NT5DC4: variants seen among roughly 807,000 people sequenced by gnomAD.
NT5DC4 encodes 5'-nucleotidase domain containing 4, also known as 5'-nucleotidase domain-containing protein 4.
A neutral mutation model predicts 26.6 loss-of-function variants in NT5DC4; 44 were observed. The observed-to-expected ratio is 1.65, with a 90% confidence interval of 1.30 to 2.13. NT5DC4 has a LOEUF of 2.13. Ranked by LOEUF, NT5DC4 falls within the 30% of genes most tolerant of loss-of-function variation. The probability of loss-of-function intolerance (pLI) is 0.00; values close to 1 mark genes in which losing one functional copy is unlikely to be tolerated. For missense variants in NT5DC4, 399 were observed against 228.1 expected (o/e 1.75, Z -4.83); for synonymous variants, 157 against 86.7 (o/e 1.81, Z -4.51).
intron 16 of NT5DC4, among the ~76,000 whole-genome samples, chr2:112,731,996 C>A (rs1678547588): frequency 6.7e-6 from 1 of 148,750 alleles, no homozygotes; most frequent in African/African-American, 2.5e-5. Context: ...GATCTCGGCT[C>A]CACCTCCTGG....
chr2:112,719,967 TTTCTTTC>T (rs1558715419), upstream of NT5DC4, among the ~76,000 whole-genome samples: 3,054 of 131,100 alleles, frequency 0.023, 75 homozygotes, highest in Non-Finnish European at 0.035. Flanking sequence ...TCTTTCTTTC[TTTCTTTC>T]TTTCTTTCTT....
At chr2:112,734,169 A>ATATGTGTGTGTGTGTGTGTGTGTGTGTG (rs150412692) in intron 16 of NT5DC4, among the ~76,000 whole-genome samples, 11 of 134,786 alleles carry the variant, frequency 8.2e-5, no homozygotes, top group African/African-American at 2.8e-4. Context: ...TATTATATAT[A>ATATGTGTGTGTGTGTGTGTGTGTGTGTG]TGTGTGTGTG....
chr2:112,737,331 C>G (rs1679346882), intron 16 of NT5DC4: 1 of 152,188 alleles, frequency 6.6e-6, no homozygotes, highest in South Asian at 2.1e-4. Context: ...CTGCCCCAGT[C>G]TACACGCCCA....
At chr2:112,724,226 C>T (rs1677371238) in intron 10 of NT5DC4, 100 bp downstream of exon 10, 9 of 708,120 alleles carry the variant, frequency 1.3e-5, no homozygotes, top group South Asian at 1.2e-4. Context: ...CACGTCCAGC[C>T]TCCCTTTGAG....
At position 112,724,871 on chromosome 2, in the gene NT5DC4, C is replaced by T. The variant is rs776458795; in HGVS notation, c.880C>T (p.Leu294=). The T allele has an allele frequency of 1.4e-6, 1 of 717,192 alleles. No homozygotes were observed. The highest frequency in any genetic ancestry group is 2.6e-6 in the Non-Finnish European group (1 of 385,024). 44.4% of individuals were successfully genotyped at this position (717,192 alleles called of 1,614,324 possible). ...CCACTTCTTTGCAGAGGGGTTGGTC[C>T]TGAGGCAGGTCAACACGGTAATGGC... The part of the protein sequence containing the change: ...KPHFFAEGLV[L]RQVNTVMAGA... The change falls in exon 11 of 17, where the codon CTG becomes TTG. Residue 294 remains leucine, a synonymous_variant. Transcript: ENST00000688554.
chr2:112,724,697 G>A (rs917359029), intron 10 of NT5DC4, 84 bp from the exon 11 acceptor site: 2 of 687,242 alleles, frequency 2.9e-6, no homozygotes, highest in East Asian at 5.4e-5. Context: ...TTGGTGGGGA[G>A]AGGCAGGCTG....
Position 112,724,794 on chromosome 2 carries a change from G to A in NT5DC4, c.803G>A (p.Gly268Asp), listed in dbSNP as rs919504745. 3 of 716,972 alleles carry A rather than the reference G, an allele frequency of 4.2e-6. No individual in the cohort carries two copies. The African/African-American group carries it at 5.2e-5, about 13-fold the overall frequency. 44.4% of individuals were successfully genotyped at this position (716,972 alleles called of 1,614,324 possible). Residue 268 changes from glycine to aspartate, a missense_variant, in exon 11 of 17, where the codon GGC becomes GAC. Physicochemically the swap from Gly to Asp is moderately conservative, Grantham distance 94 (BLOSUM62 -1). Coordinates refer to ENST00000688554, the MANE Select transcript of NT5DC4 (RefSeq NM_001393655.1). Reference protein sequence around the residue: ...LFSISEAEASGRPWRSYFDLI... With the variant: ...LFSISEAEASDRPWRSYFDLI... ...CACCCCCAACAGGCTGAAGCCTCGG[G>A]CAGGCCCTGGAGGTCCTACTTTGAC... is the stretch of plus-strand genomic sequence containing the variant.
At chr2:112,730,622 C>T (rs1026539126) in intron 16 of NT5DC4, among the ~76,000 whole-genome samples, 2 of 152,164 alleles carry the variant, frequency 1.3e-5, no homozygotes, top group Admixed American at 1.3e-4. Flanking sequence ...TTCTGCACCC[C>T]CAAAACCCTG....
At chr2:112,726,583 T>TC (rs1476880130) in intron 14 of NT5DC4, 95 bp from the exon 15 acceptor site, 1 of 710,430 alleles carries the variant, frequency 1.4e-6, no homozygotes, top group South Asian at 1.5e-5. Flanking sequence ...CCGCACGGTG[T>TC]CCCCCCACCC....
chr2:112,741,975 A>C (rs1301008800), downstream of NT5DC4, among the ~76,000 whole-genome samples: 1 of 142,710 alleles, frequency 7.0e-6, no homozygotes, highest in Non-Finnish European at 1.5e-5. Context: ...TTTAAAGACA[A>C]GACAGGGTTT....
At chr2:112,721,461 G>A in intron 1 of NT5DC4, 3 of 717,704 alleles carry the variant, frequency 4.2e-6, no homozygotes, top group Non-Finnish European at 7.8e-6. Flanking sequence ...TTGGACACTG[G>A]GGTCCCATTT....
chr2:112,738,965 C>T lies in NT5DC4; in HGVS notation c.*29C>T, dbSNP rs777415523. On this transcript the variant is annotated 3_prime_UTR_variant, in exon 17 of 17. Coordinates refer to ENST00000688554, the MANE Select transcript of NT5DC4 (RefSeq NM_001393655.1). The stretch of plus-strand genomic sequence containing the variant: ...GTGTTCCTGCAGCATTTCTGGGTAG[C>T]GGGACACTGCTCGCTCAATCCTCGA... 2.3e-5 allele frequency: 37 copies of T among 1,613,996 alleles called. No individual in the cohort carries two copies. Among genetic ancestry groups the T allele is most frequent in the South Asian group, 4.4e-5 (4 of 91,078 alleles).
upstream of NT5DC4, among the ~76,000 whole-genome samples, chr2:112,719,366 T>C (rs947548568): frequency 1.3e-5 from 2 of 152,260 alleles, no homozygotes; most frequent in Non-Finnish European, 2.9e-5. Flanking sequence ...TCCATGGATA[T>C]GTTTTTCTGT....
chr2:112,719,942 C>CTTTCTTTT (rs1223564207), upstream of NT5DC4, among the ~76,000 whole-genome samples: 1 of 96,426 alleles, frequency 1.0e-5, no homozygotes, highest in African/African-American at 4.7e-5. Context: ...TTCTTTCTTT[C>CTTTCTTTT]TTTCTTTCTT....
intron 13 of NT5DC4, among the ~76,000 whole-genome samples, chr2:112,725,962 C>A (rs1287102980): frequency 6.7e-6 from 1 of 149,602 alleles, no homozygotes. Flanking sequence ...ACAATTTGGG[C>A]TTTGTCCTGA....
chr2:112,738,849 A>G (rs1225986699), intron 16 of NT5DC4, 64 bp from the exon 17 acceptor site: 32 of 1,612,722 alleles, frequency 2.0e-5, no homozygotes, highest in Non-Finnish European at 2.7e-5. Context: ...TGAAACCCCA[A>G]TGTTACAGGC....
rs771474103 is a variant in NT5DC4, at chr2:112,726,688, G to A, written c.1216G>A (p.Gly406Arg). The change falls in exon 15 of 17, where the codon GGG becomes AGG. Residue 406 changes from glycine to arginine, a missense_variant. Physicochemically the swap from Gly to Arg is moderately radical, Grantham distance 125. Transcript: ENST00000688554. ...CTATTTTTGTACCAGGCACATGGAT[G>A]GGAGCAGTTGTGAGCTGCAAGTCAT... ...HLADIYQHMD[G>R]SSCELQVINF... is the part of the protein sequence containing the mutation. The A allele has an allele frequency of 5.6e-6, 4 of 717,520 alleles. No homozygotes were observed. Among genetic ancestry groups the A allele is most frequent in the Admixed American group, 4.0e-5 (2 of 50,032 alleles). 44.4% of individuals were successfully genotyped at this position (717,520 alleles called of 1,614,324 possible). A position where few individuals can be genotyped will look rare whatever the true frequency, so the allele number is the denominator to read the frequency against.
chr2:112,722,640 G>A (rs972514424), intron 5 of NT5DC4, 51 bp downstream of exon 5: 12 of 717,356 alleles, frequency 1.7e-5, no homozygotes, highest in Non-Finnish European at 2.9e-5. Context: ...CCGGAGCTGA[G>A]GGTCCCAGCT....
chr2:112,719,015 C>T (rs556655970), upstream of NT5DC4, among the ~76,000 whole-genome samples: 1 of 152,342 alleles, frequency 6.6e-6, no homozygotes, highest in South Asian at 2.1e-4. Context: ...TTAATACAGT[C>T]ATGCGGGGCT....
Sources: allele counts gnomAD v4.1 joint callset (sites outside exome capture counted in the v4.1 genomes callset), GRCh38; gene constraint gnomAD v4.1.1; transcripts MANE v1.5; gene names NCBI Gene and HGNC (gene_info 2026-07-23, HGNC 2026-07-21).